ITGB6: variants seen among roughly 807,000 people sequenced by gnomAD.
ITGB6 encodes the protein integrin beta-6.
Under a neutral mutation model 84.5 loss-of-function variants are expected in ITGB6, and 80 were observed. That is an observed-to-expected ratio of 0.95 (90% CI 0.79 to 1.14). The LOEUF (loss-of-function observed/expected upper bound fraction) is 1.14. Among genes scored for constraint, ITGB6 ranks in the 50% most tolerant of loss-of-function variants. The probability of loss-of-function intolerance (pLI) is 0.00; values close to 1 mark genes in which losing one functional copy is unlikely to be tolerated. For synonymous variants in ITGB6, 383 were observed against 354.9 expected (o/e 1.08, Z -0.89); for missense variants, 1,006 against 968.0 (o/e 1.04, Z -0.52).
At chr2:160,177,534 G>A (rs1221504170) in intron 4 of ITGB6, among the ~76,000 whole-genome samples, 6 of 150,980 alleles carry the variant, frequency 4.0e-5, no homozygotes, top group Non-Finnish European at 8.8e-5. Flanking sequence ...TCATGCCACT[G>A]CACTCCAGCC....
chr2:160,137,118 G>A (rs1209064611), intron 10 of ITGB6, among the ~76,000 whole-genome samples: 1 of 151,780 alleles, frequency 6.6e-6, no homozygotes, highest in African/African-American at 2.4e-5. Flanking sequence ...AGAAAAACCT[G>A]GAAGGTAATG....
At chr2:160,155,070 A>C (rs928682671) in intron 7 of ITGB6, among the ~76,000 whole-genome samples, 1 of 152,134 alleles carries the variant, frequency 6.6e-6, no homozygotes. Context: ...CTTTTCCTTC[A>C]TGTTCTTCCA....
At chr2:160,177,535 C>A (rs1685476883) in intron 4 of ITGB6, among the ~76,000 whole-genome samples, 1 of 151,216 alleles carries the variant, frequency 6.6e-6, no homozygotes, top group South Asian at 2.1e-4. Flanking sequence ...CATGCCACTG[C>A]ACTCCAGCCT....
At chr2:160,149,472 G>A (rs1684330479) in intron 7 of ITGB6, among the ~76,000 whole-genome samples, 2 of 152,228 alleles carry the variant, frequency 1.3e-5, no homozygotes, top group African/African-American at 2.4e-5. Flanking sequence ...AAAGACCAAA[G>A]GTAGATTAAA....
At chr2:160,179,437 G>A (rs1685572063) in intron 4 of ITGB6, among the ~76,000 whole-genome samples, 1 of 140,492 alleles carries the variant, frequency 7.1e-6, no homozygotes, top group Non-Finnish European at 1.5e-5. Flanking sequence ...CGCCCAGGCT[G>A]GAATGCGGTG....
At chr2:160,113,385 G>A (rs568058974) in intron 12 of ITGB6, among the ~76,000 whole-genome samples, 1 of 152,280 alleles carries the variant, frequency 6.6e-6, no homozygotes, top group South Asian at 2.1e-4. Flanking sequence ...TTTACATTTT[G>A]TTTGAGATGA....
chr2:160,157,062 C>A (rs540828940), intron 7 of ITGB6, among the ~76,000 whole-genome samples: 1 of 152,266 alleles, frequency 6.6e-6, no homozygotes, highest in South Asian at 2.1e-4. Context: ...ATCCTTGGAG[C>A]TCCTTGGCTT....
Position 160,126,432 on chromosome 2 carries a change from T to C in ITGB6, c.1830A>G (p.Ser610=). The C allele has an allele frequency of 6.2e-7, 1 of 1,614,198 alleles. No individual in the cohort carries two copies. The highest frequency in any genetic ancestry group is 8.5e-7 in the Non-Finnish European group (1 of 1,180,018). Residue 610 remains serine (S), a synonymous_variant, in exon 11 of 15, where the codon TCA becomes TCG. Transcript: ENST00000283249. ...GKCVCTNPGA[S]GPTCERCPTC... is the part of the protein sequence containing the mutation. ...TAGGACATCGTTCACAGGTTGGTCC[T>C]GAGGCTCCAGGGTTTGTGCAAACAC...
chr2:160,195,049 G>A (rs1686277974), intron 4 of ITGB6, among the ~76,000 whole-genome samples: 1 of 152,200 alleles, frequency 6.6e-6, no homozygotes, highest in Non-Finnish European at 1.5e-5. Flanking sequence ...CTGAGAGGCT[G>A]GGGCTGGGCA....
chr2:160,170,723 G>C (rs556196042), intron 6 of ITGB6, among the ~76,000 whole-genome samples: 1 of 152,304 alleles, frequency 6.6e-6, no homozygotes, highest in Non-Finnish European at 1.5e-5. Flanking sequence ...GGACCCGGGG[G>C]CTATGTTGCA....
At chr2:160,119,021 CA>C (rs1282450931) in intron 12 of ITGB6, among the ~76,000 whole-genome samples, 22 of 152,160 alleles carry the variant, frequency 1.4e-4, no homozygotes, top group Admixed American at 1.3e-3. Context: ...AAAGAGGATA[CA>C]AACAAATGGA....
chr2:160,108,956 A>C (rs1259674045), intron 13 of ITGB6, among the ~76,000 whole-genome samples: 1 of 152,228 alleles, frequency 6.6e-6, no homozygotes, highest in African/African-American at 2.4e-5. Context: ...AAAATCCCAC[A>C]TAAAATTATC....
intron 6 of ITGB6, among the ~76,000 whole-genome samples, chr2:160,170,742 T>C (rs1685170631): frequency 6.6e-6 from 1 of 152,210 alleles, no homozygotes; most frequent in Non-Finnish European, 1.5e-5. Context: ...CAGGCAGGCA[T>C]AGATACGGTC....
rs762131868 is a variant in ITGB6, at chr2:160,194,155, TCAAAACAAAA to T, written c.593+1204_593+1213del. ...CTGGGTGACAGAGTGAAACTCCATT[TCAAAACAAAA>T]CAAAACAAAACACAAAAAACAAAAA... is the stretch of plus-strand genomic sequence containing the variant. On this transcript the variant is annotated intron_variant, in intron 4 of 14. Coordinates refer to ENST00000283249, the MANE Select transcript of ITGB6 (RefSeq NM_000888.5). Among the ~76,000 whole-genome samples, 12 of 152,160 alleles carry T rather than the reference TCAAAACAAAA, an allele frequency of 7.9e-5. 1 individual carries two copies. Among genetic ancestry groups the T allele is most frequent in the East Asian group, 3.9e-4 (2 of 5,180 alleles).
chr2:160,161,130 T>C (rs541162687), intron 7 of ITGB6, among the ~76,000 whole-genome samples: 19 of 152,278 alleles, frequency 1.2e-4, no homozygotes, highest in African/African-American at 4.6e-4. Flanking sequence ...TTTGGGCTGC[T>C]GGTGGGAAAG....
chr2:160,149,805 T>C (rs1272537371), intron 7 of ITGB6, among the ~76,000 whole-genome samples: 1 of 152,166 alleles, frequency 6.6e-6, no homozygotes, highest in Non-Finnish European at 1.5e-5. Flanking sequence ...AACTTCGTGA[T>C]GCATGCACAA....
Position 160,107,544 on chromosome 2 carries a change from T to C in ITGB6, c.2268+135A>G. The C allele has an allele frequency of 4.0e-6, 3 of 753,286 alleles. No individual in the cohort carries two copies. The South Asian group carries it at 5.4e-5, about 13-fold the overall frequency. The allele number at this position is 753,286 out of a possible 1,614,324, so 46.7% of individuals were successfully genotyped here. A position where few individuals can be genotyped will look rare whatever the true frequency, so the allele number is the denominator to read the frequency against. ...TGAAGCAGAACAGAAATCAAAGCTG[T>C]TGGAGTCATGGCGAGAGTGGGAGAG... is the stretch of plus-strand genomic sequence containing the variant. On this transcript the variant is annotated intron_variant, in intron 14 of 14. Coordinates refer to ENST00000283249, the MANE Select transcript of ITGB6 (RefSeq NM_000888.5).
intron 12 of ITGB6, among the ~76,000 whole-genome samples, chr2:160,119,259 C>T (rs1001207558): frequency 2.9e-4 from 44 of 152,180 alleles, no homozygotes; most frequent in Admixed American, 7.2e-4. Context: ...TACCTGACTT[C>T]AAACTATACT....
At chr2:160,174,196 A>G in intron 4 of ITGB6, 57 bp from the exon 5 acceptor site, 2 of 1,286,262 alleles carry the variant, frequency 1.6e-6, no homozygotes, top group Non-Finnish European at 2.2e-6. Flanking sequence ...CACACAATTA[A>G]TGGATCTAAT....
Sources: gnomAD v4.1 joint callset for allele counts (sites outside exome capture counted in the v4.1 genomes callset) on GRCh38, gnomAD v4.1.1 for gene constraint, MANE v1.5 for transcripts, NCBI Gene and HGNC (gene_info 2026-07-23, HGNC 2026-07-21) for gene names.